The following CUL5 variants were observed in gnomAD, a reference collection of about 807,000 sequenced individuals.
CUL5 encodes cullin-5.
Under a neutral mutation model 108.8 loss-of-function variants are expected in CUL5, and 26 were observed. The observed-to-expected ratio is 0.24, with a 90% CI of 0.18 to 0.33. The LOEUF is 0.33. CUL5 is among the 10% of genes least tolerant of loss of function. CUL5 has a pLI of 1.00. For synonymous variants in CUL5, 334 were observed against 298.0 expected, an observed-to-expected ratio of 1.12 and a Z score of -1.25; for missense variants, 524 against 909.2, an observed-to-expected ratio of 0.58 and a Z score of 5.45.
chr11:108,009,420 C>T, intron 1 of CUL5, 48 bp downstream of exon 1: 2 of 1,607,042 alleles, frequency 1.2e-6, no homozygotes, highest in Admixed American at 1.7e-5. Context: ...CCGCCGGGTT[C>T]GGCTCTTTGG....
At chr11:108,013,338 A>G (rs1340434030) in intron 1 of CUL5, among the ~76,000 whole-genome samples, 1 of 151,832 alleles carries the variant, frequency 6.6e-6, no homozygotes, top group South Asian at 2.1e-4. Context: ...CACTATTTTT[A>G]TCTCTTAGCT....
chr11:108,098,431 G>A lies in CUL5; in HGVS notation c.2050G>A (p.Gly684Ser). The change falls in exon 18 of 19, where the codon GGT becomes AGT. Residue 684 changes from glycine to serine, a missense_variant. This residue lies in a region of CUL5 where 66 missense variants were observed against 81.4 expected (regional missense o/e 0.81). Coordinates refer to ENST00000393094, the MANE Select transcript of CUL5 (RefSeq NM_003478.6). ...LIKNAKVQKR[G>S]KINLIGRLQL... ...AAAAAATGCAAAGGTTCAGAAAAGG[G>A]GTAAAATCAACTTGATTGGACGTTT... is the stretch of plus-strand genomic sequence containing the variant. 6.2e-7 allele frequency: 1 copy of A among 1,605,848 alleles called. No individual in the cohort carries two copies. Among genetic ancestry groups the A allele is most frequent in the Non-Finnish European group, 8.5e-7 (1 of 1,176,626 alleles).
rs1036026891 is a variant in CUL5 at position 108,089,479 on chromosome 11, AT to A, written c.1312-8del. The A allele has an allele frequency of 3.3e-6, 5 of 1,532,374 alleles. No individual in the cohort carries two copies. Among genetic ancestry groups the A allele is most frequent in the Non-Finnish European group, 4.4e-6 (5 of 1,143,376 alleles). 94.9% of individuals were successfully genotyped at this position (1,532,374 alleles called of 1,614,324 possible). A position where few individuals can be genotyped will look rare whatever the true frequency, so the allele number is the denominator to read the frequency against. ...GTATATAAGAACTGAAAGTAACTTTATTTTTCATACAGCTCTTGGTACTTAA... is the reference window on the plus strand; with the variant it reads ...GTATATAAGAACTGAAAGTAACTTTATTTTCATACAGCTCTTGGTACTTAA... On this transcript the variant is annotated splice_polypyrimidine_tract_variant and intron_variant, in intron 12 of 18. Transcript: ENST00000393094.
At position 108,105,097 on chromosome 11, in the gene CUL5, GCTT is replaced by G. The variant is rs1864761019; in HGVS notation, c.*714_*716del. ...TTTTTTTTTTAAATATGGCTGGAAA[GCTT>G]GTTTTGAAAAATGAAGCTTATATTA... On this transcript the variant is annotated 3_prime_UTR_variant, in exon 19 of 19. Transcript: ENST00000393094. 6.6e-6 allele frequency: 1 copy of G among 151,558 alleles called. No homozygotes were observed. The highest frequency in any genetic ancestry group is 1.5e-5 in the Non-Finnish European group (1 of 67,814). The allele number at this position is 151,558 out of a possible 1,614,324, so 9.4% of individuals were successfully genotyped here.
chr11:108,032,355 A>G (rs949992067), intron 1 of CUL5, among the ~76,000 whole-genome samples: 5 of 152,024 alleles, frequency 3.3e-5, no homozygotes, highest in Admixed American at 6.6e-5. Context: ...AAAAAATACA[A>G]CAATTAGCTG....
At position 108,094,494 on chromosome 11, in the gene CUL5, A is replaced by G. The variant is rs1864439396; in HGVS notation, c.1547A>G (p.Asn516Ser). 3 of 1,465,960 alleles carry G rather than the reference A, an allele frequency of 2.0e-6. No homozygotes were observed. The highest frequency in any genetic ancestry group is 2.8e-6 in the Non-Finnish European group (3 of 1,065,890). 90.8% of individuals were successfully genotyped at this position (1,465,960 alleles called of 1,614,324 possible). A position where few individuals can be genotyped will look rare whatever the true frequency, so the allele number is the denominator to read the frequency against. Residue 516 changes from asparagine to serine, a missense_variant, in exon 14 of 19, where the codon AAT (asparagine) becomes AGT (serine). By Grantham distance (46) the Asn-to-Ser change is conservative. Transcript: ENST00000393094. Reference protein sequence around the residue: ...LNQAFKEMHKNNKLALPADSV... With the variant: ...LNQAFKEMHKSNKLALPADSV... The stretch of plus-strand genomic sequence containing the variant: ...CAAGCTTTTAAGGAAATGCACAAAA[A>G]TAATAAATTGGCATTACCAGGTATT...
intron 10 of CUL5, among the ~76,000 whole-genome samples, chr11:108,075,218 C>A: frequency 6.6e-6 from 1 of 150,624 alleles, no homozygotes; most frequent in East Asian, 1.9e-4. Flanking sequence ...ATGCAAGTAG[C>A]TTATTTGGGA....
At chr11:108,026,344 C>G (rs1862450798) in intron 1 of CUL5, among the ~76,000 whole-genome samples, 1 of 152,142 alleles carries the variant, frequency 6.6e-6, no homozygotes, top group Admixed American at 6.5e-5. Flanking sequence ...CTTATTCTTC[C>G]ACTTTCCTAG....
rs199562808 is a variant in CUL5 at position 108,054,858 on chromosome 11, A to G, written c.700-17A>G. On this transcript the variant is annotated splice_polypyrimidine_tract_variant and intron_variant, in intron 6 of 18. Transcript: ENST00000393094. ...CCTTGATATTCTTAAAATGATTGCT[A>G]TTTTGCTTCTGGACAGGCAGATGCT... 4.2e-5 allele frequency: 67 copies of G among 1,604,756 alleles called. No individual in the cohort carries two copies. The Middle Eastern group carries it at 8.3e-4, about 20-fold the overall frequency.
At chr11:108,038,102 A>G (rs1862791667) in intron 2 of CUL5, among the ~76,000 whole-genome samples, 1 of 152,238 alleles carries the variant, frequency 6.6e-6, no homozygotes. Flanking sequence ...AAAGTTTAGT[A>G]AGAAACAGCT....
intron 7 of CUL5, among the ~76,000 whole-genome samples, chr11:108,063,109 T>G (rs1467304977): frequency 6.6e-6 from 1 of 152,168 alleles, no homozygotes; most frequent in Non-Finnish European, 1.5e-5. Context: ...CCTCCCAAAG[T>G]GCTGGGATTA....
chr11:108,051,853 T>C (rs1863232918), intron 4 of CUL5, among the ~76,000 whole-genome samples: 1 of 152,242 alleles, frequency 6.6e-6, no homozygotes, highest in Admixed American at 6.5e-5. Flanking sequence ...AGTTAATTTT[T>C]ACAACCACTG....
intron 15 of CUL5, 151 bp downstream of exon 15, chr11:108,095,138 G>C: frequency 1.6e-6 from 1 of 630,046 alleles, no homozygotes; most frequent in South Asian, 2.2e-5. Flanking sequence ...AGTTGATAGG[G>C]ACATAGGCTT....
At chr11:108,094,213 A>T (rs572345610) in intron 13 of CUL5, among the ~76,000 whole-genome samples, 178 bp from the exon 14 acceptor site, 1 of 152,226 alleles carries the variant, frequency 6.6e-6, no homozygotes, top group Non-Finnish European at 1.5e-5. Context: ...GACCCCTTGT[A>T]ATACCGTATT....
At chr11:108,055,625 A>G (rs886607475) in intron 7 of CUL5, among the ~76,000 whole-genome samples, 2 of 150,650 alleles carry the variant, frequency 1.3e-5, no homozygotes, top group African/African-American at 2.4e-5. Context: ...ATATATATAT[A>G]TATATACTTT....
At chr11:108,058,521 T>C (rs1392806677) in intron 7 of CUL5, among the ~76,000 whole-genome samples, 1 of 151,868 alleles carries the variant, frequency 6.6e-6, no homozygotes, top group Non-Finnish European at 1.5e-5. Context: ...GTGCTGGGAT[T>C]ACAGACGTGA....
intron 13 of CUL5, among the ~76,000 whole-genome samples, chr11:108,090,799 C>T (rs1027179176): frequency 6.6e-6 from 1 of 151,956 alleles, no homozygotes; most frequent in African/African-American, 2.4e-5. Flanking sequence ...CAAGCACACA[C>T]GAGAGAGACC....
At chr11:108,072,525 A>G (rs529116014) in intron 9 of CUL5, 63 bp downstream of exon 9, 2 of 1,441,204 alleles carry the variant, frequency 1.4e-6, no homozygotes, top group African/African-American at 2.9e-5. Flanking sequence ...ATGTAGGATT[A>G]TTGAAAATAG....
intron 1 of CUL5, among the ~76,000 whole-genome samples, chr11:108,032,090 A>T (rs1389088132): frequency 6.6e-6 from 1 of 152,228 alleles, no homozygotes; most frequent in East Asian, 1.9e-4. Context: ...TAATGAAATA[A>T]TCTGTACAAC....
Sources: gnomAD v4.1 joint callset for allele counts (sites outside exome capture counted in the v4.1 genomes callset) on GRCh38, gnomAD v4.1.1 for gene constraint, gnomAD v4.1.1 regional missense constraint, MANE v1.5 for transcripts, NCBI Gene and HGNC (gene_info 2026-07-23, HGNC 2026-07-21) for gene names.